The following RSPO2 variants were observed in gnomAD, a reference collection of about 807,000 sequenced individuals.
RSPO2 encodes R-spondin 2.
Under a neutral mutation model 30.9 loss-of-function variants are expected in RSPO2, and 14 were observed. The observed-to-expected ratio is 0.45, with a 90% CI of 0.30 to 0.71. The LOEUF is 0.71. Among genes scored for constraint, RSPO2 ranks in the 30% least tolerant of loss-of-function variants. The probability of loss-of-function intolerance (pLI) is 0.08; values close to 1 mark genes in which losing one functional copy is unlikely to be tolerated. For missense variants in RSPO2, 264 were observed against 301.9 expected, an observed-to-expected ratio of 0.87 and a Z score of 0.93; for synonymous variants, 107 against 96.4, an observed-to-expected ratio of 1.11 and a Z score of -0.64.
chr8:108,020,325 T>TC (rs1348976006), intron 2 of RSPO2, among the ~76,000 whole-genome samples: 1 of 152,212 alleles, frequency 6.6e-6, no homozygotes, highest in African/African-American at 2.4e-5. Flanking sequence ...TACACGCCTT[T>TC]CATGCTCCCA....
chr8:107,951,917 C>T (rs1432033414), intron 5 of RSPO2, among the ~76,000 whole-genome samples: 5 of 152,060 alleles, frequency 3.3e-5, no homozygotes, highest in African/African-American at 1.2e-4. Flanking sequence ...CCTTTTCTGC[C>T]CCCCTCATTT....
chr8:108,049,163 G>T (rs1243407474), intron 2 of RSPO2, among the ~76,000 whole-genome samples: 1 of 151,472 alleles, frequency 6.6e-6, no homozygotes, highest in South Asian at 2.1e-4. Context: ...TGAGTTGATG[G>T]GTGCAGCAAA....
At chr8:107,914,582 ATG>A (rs1354064753) in intron 5 of RSPO2, among the ~76,000 whole-genome samples, 1 of 152,174 alleles carries the variant, frequency 6.6e-6, no homozygotes, top group Non-Finnish European at 1.5e-5. Flanking sequence ...AGTTATAATA[ATG>A]TCTTTATGTA....
At chr8:107,971,820 G>C (rs1814009409) in intron 3 of RSPO2, among the ~76,000 whole-genome samples, 1 of 152,096 alleles carries the variant, frequency 6.6e-6, no homozygotes, top group African/African-American at 2.4e-5. Flanking sequence ...TAAAATACAA[G>C]ATCTTTCTTG....
At chr8:108,062,947 T>A (rs939450522) in intron 2 of RSPO2, among the ~76,000 whole-genome samples, 4 of 151,966 alleles carry the variant, frequency 2.6e-5, no homozygotes, top group Middle Eastern at 3.4e-3. Context: ...ATTATCTCAA[T>A]AGATGCAGAA....
intron 3 of RSPO2, among the ~76,000 whole-genome samples, chr8:107,988,397 T>A (rs1814723870): frequency 6.6e-6 from 1 of 150,778 alleles, no homozygotes; most frequent in Admixed American, 6.6e-5. Flanking sequence ...GAGATTGTTC[T>A]CAGCATAAAG....
intron 5 of RSPO2, among the ~76,000 whole-genome samples, chr8:107,938,234 T>C (rs938773285): frequency 2.0e-5 from 3 of 152,142 alleles, no homozygotes; most frequent in African/African-American, 4.8e-5. Context: ...AAAATATTAA[T>C]ACATTAAAAT....
intron 2 of RSPO2, among the ~76,000 whole-genome samples, chr8:108,023,048 A>T (rs964077716): frequency 6.6e-5 from 10 of 152,130 alleles, no homozygotes; most frequent in Non-Finnish European, 1.2e-4. Context: ...GGATATATTT[A>T]TGTATTACAA....
rs902653340 is a variant in RSPO2 at position 107,935,876 on chromosome 8, A to G, written c.616+22204T>C. 3.3e-5 allele frequency among the ~76,000 whole-genome samples: 5 copies of G among 152,164 alleles called. No individual in the cohort carries two copies. The East Asian group carries it at 9.6e-4, about 29-fold the overall frequency. ...ATGGGTACATCTGAATATTTGTTAC[A>G]TGCATAGACTGTGTAATGATCAATT... On this transcript the variant is annotated intron_variant, in intron 5 of 5. Coordinates refer to ENST00000276659, the MANE Select transcript of RSPO2 (RefSeq NM_178565.5).
chr8:107,901,411 G>C (rs186619207), intron 5 of RSPO2, among the ~76,000 whole-genome samples: 64 of 152,232 alleles, frequency 4.2e-4, no homozygotes, highest in Non-Finnish European at 5.6e-4. Flanking sequence ...CTGTTACAGG[G>C]AACTGGCATA....
At chr8:107,942,475 G>T (rs2130378769) in intron 5 of RSPO2, among the ~76,000 whole-genome samples, 1 of 152,208 alleles carries the variant, frequency 6.6e-6, no homozygotes, top group South Asian at 2.1e-4. Context: ...CTAAAATAAA[G>T]ATCTAAGTTT....
chr8:107,933,819 G>C (rs889125493), intron 5 of RSPO2, among the ~76,000 whole-genome samples: 2 of 152,128 alleles, frequency 1.3e-5, no homozygotes, highest in Non-Finnish European at 2.9e-5. Flanking sequence ...CTTGTACTTG[G>C]ACCCAATAAT....
intron 2 of RSPO2, among the ~76,000 whole-genome samples, chr8:107,992,850 A>T (rs1488942621): frequency 6.6e-6 from 1 of 152,236 alleles, no homozygotes; most frequent in East Asian, 1.9e-4. Context: ...TTCTATAAGC[A>T]GTTATAGTTT....
At chr8:108,030,047 G>C (rs1373840311) in intron 2 of RSPO2, among the ~76,000 whole-genome samples, 2 of 144,322 alleles carry the variant, frequency 1.4e-5, no homozygotes, top group Admixed American at 7.2e-5. Context: ...TTTTGTCTCA[G>C]CTCCATGTCA....
chr8:107,904,472 C>A (rs1043787783), intron 5 of RSPO2, among the ~76,000 whole-genome samples: 2 of 152,160 alleles, frequency 1.3e-5, no homozygotes, highest in South Asian at 2.1e-4. Flanking sequence ...AATGCAGTGG[C>A]CTTGACACAT....
chr8:108,050,698 G>T (rs1257877392), intron 2 of RSPO2, among the ~76,000 whole-genome samples: 1 of 152,152 alleles, frequency 6.6e-6, no homozygotes, highest in Non-Finnish European at 1.5e-5. Flanking sequence ...CAGGGAAAAC[G>T]GCTGCCACTA....
At chr8:108,079,678 T>C (rs1385906766) in intron 2 of RSPO2, among the ~76,000 whole-genome samples, 3 of 151,660 alleles carry the variant, frequency 2.0e-5, no homozygotes, top group East Asian at 3.9e-4. Flanking sequence ...GAAGGTTTGA[T>C]TATTCGCAGA....
At chr8:107,937,542 T>C (rs1246931575) in intron 5 of RSPO2, among the ~76,000 whole-genome samples, 1 of 151,994 alleles carries the variant, frequency 6.6e-6, no homozygotes, top group Non-Finnish European at 1.5e-5. Context: ...GGCATTTTTT[T>C]TCCTCTCTGT....
chr8:107,929,480 C>T (rs978453995), intron 5 of RSPO2, among the ~76,000 whole-genome samples: 4 of 152,124 alleles, frequency 2.6e-5, no homozygotes, highest in Admixed American at 2.6e-4. Flanking sequence ...AATACACGAA[C>T]TCGCATAACA....
Sources: gnomAD v4.1 joint callset for allele counts (sites outside exome capture counted in the v4.1 genomes callset) on GRCh38, gnomAD v4.1.1 for gene constraint, MANE v1.5 for transcripts, NCBI Gene and HGNC (gene_info 2026-07-23, HGNC 2026-07-21) for gene names.